The following KDM2B variants were observed in gnomAD, a reference collection of about 807,000 sequenced individuals.
KDM2B encodes the protein lysine-specific demethylase 2B.
KDM2B carries 26 observed loss-of-function variants against 150.0 expected under a neutral mutation model. The observed-to-expected ratio is 0.17, with a 90% CI of 0.13 to 0.24. KDM2B has a LOEUF of 0.24. KDM2B is among the 10% of genes least tolerant of loss of function. The pLI is 1.00. For missense variants in KDM2B, 1,265 were observed against 1,816.9 expected (o/e 0.70, Z 5.52); for synonymous variants, 734 against 729.5 (o/e 1.01, Z -0.10).
In KDM2B at chr12:121,453,428, G is replaced by T; in HGVS notation, c.1735-84C>A. 9.5e-7 allele frequency: 1 copy of T among 1,053,144 alleles called. No homozygotes were observed. 65.2% of individuals were successfully genotyped at this position (1,053,144 alleles called of 1,614,324 possible). A position where few individuals can be genotyped will look rare whatever the true frequency, so the allele number is the denominator to read the frequency against. On this transcript the variant is annotated intron_variant, in intron 12 of 22. Transcript: ENST00000377071. The surrounding 1 kb of genome is among the most constrained non-coding windows in gnomAD (Gnocchi z 6.4). ...CGGAAAGGGTGTTAGGGAGCAAACT[G>T]TGTACCCCCAGAAAGACACGATGGG...
intron 11 of KDM2B, 62 bp from the exon 12 acceptor site, chr12:121,494,727 G>T (rs1883729234): frequency 1.6e-6 from 2 of 1,288,380 alleles, no homozygotes; most frequent in African/African-American, 3.0e-5. Flanking sequence ...GAAGACAGCT[G>T]AACAGCAGAC....
chr12:121,574,433 C>A lies in KDM2B; in HGVS notation c.397+114G>T, dbSNP rs190812406. ...GCTCACACCTGCTCCTGCCTTCTCC[C>A]GTGGGGACTTTGTTTTGAGAGGCAG... On this transcript the variant is annotated intron_variant, in intron 4 of 22. Coordinates refer to ENST00000377071, the MANE Select transcript of KDM2B (RefSeq NM_032590.5). 5 of 945,446 alleles carry A rather than the reference C, an allele frequency of 5.3e-6. No homozygotes were observed. The African/African-American group carries it at 8.2e-5, about 15-fold the overall frequency. 58.6% of individuals were successfully genotyped at this position (945,446 alleles called of 1,614,324 possible). A position where few individuals can be genotyped will look rare whatever the true frequency, so the allele number is the denominator to read the frequency against.
chr12:121,553,849 C>A (rs1889695542), intron 4 of KDM2B, among the ~76,000 whole-genome samples: 1 of 151,970 alleles, frequency 6.6e-6, no homozygotes, highest in Non-Finnish European at 1.5e-5. Flanking sequence ...TGAAAAAGTT[C>A]TAAAATGGAC....
chr12:121,479,479 A>AG (rs60094709), intron 12 of KDM2B, among the ~76,000 whole-genome samples: 2 of 150,570 alleles, frequency 1.3e-5, no homozygotes, highest in Non-Finnish European at 3.0e-5. Flanking sequence ...AAAAAAAAAA[A>AG]CAGATGGGGA....
At position 121,549,034 on chromosome 12, in the gene KDM2B, C is replaced by T. The variant is rs782223672; in HGVS notation, c.577-51G>A. 2.8e-6 allele frequency: 4 copies of T among 1,441,008 alleles called. No individual in the cohort carries two copies. The highest frequency in any genetic ancestry group is 3.9e-6 in the Non-Finnish European group (4 of 1,023,904). The allele number at this position is 1,441,008 out of a possible 1,614,324, so 89.3% of individuals were successfully genotyped here. A position where few individuals can be genotyped will look rare whatever the true frequency, so the allele number is the denominator to read the frequency against. On this transcript the variant is annotated intron_variant, in intron 5 of 22. Coordinates refer to ENST00000377071, the MANE Select transcript of KDM2B (RefSeq NM_032590.5). This position sits in a 1 kb window ranked among gnomAD's most constrained non-coding sequence, Gnocchi z 4.4. Reference sequence around the variant, plus strand: ...TGCATTTCTCCACTGCCGAGCCAGACACAAATACCCCTTTCCCCGGAGAGT... The same window carrying T: ...TGCATTTCTCCACTGCCGAGCCAGATACAAATACCCCTTTCCCCGGAGAGT...
At chr12:121,471,040 A>G (rs1487036174) in intron 12 of KDM2B, among the ~76,000 whole-genome samples, 1 of 152,228 alleles carries the variant, frequency 6.6e-6, no homozygotes, top group Non-Finnish European at 1.5e-5. Context: ...CAAATTTCCT[A>G]TAGTTAACTG....
chr12:121,420,344 C>T, the KDM2B span: 2 of 1,557,144 alleles, frequency 1.3e-6, no homozygotes, highest in Non-Finnish European at 1.7e-6. Flanking sequence ...GGTGAGGCCA[C>T]CTATAAAATT....
At position 121,578,863 on chromosome 12, in the gene KDM2B, C is replaced by A. The variant is rs1555317345; in HGVS notation, c.210G>T (p.Leu70=). The part of the protein sequence containing the change: ...EEIVSVRGFS[L]EEKLRSQLYQ... Reference sequence around the variant, plus strand: ...ACAGCTGGCTGCGAAGCTTCTCCTCCAGGCTGAAGCCGCGGACGCTGACGA... The same window carrying A: ...ACAGCTGGCTGCGAAGCTTCTCCTCAAGGCTGAAGCCGCGGACGCTGACGA... Residue 70 remains leucine, a synonymous_variant, in exon 2 of 23, where the codon CTG becomes CTT. Coordinates refer to ENST00000377071, the MANE Select transcript of KDM2B (RefSeq NM_032590.5). 1.2e-6 allele frequency: 2 copies of A among 1,612,256 alleles called. No individual in the cohort carries two copies. Among genetic ancestry groups the A allele is most frequent in the Non-Finnish European group, 8.5e-7 (1 of 1,179,444 alleles).
At chr12:121,572,377 CTCTGCCACCTCT>C (rs747059685) in intron 4 of KDM2B, among the ~76,000 whole-genome samples, 30 of 152,198 alleles carry the variant, frequency 2.0e-4, no homozygotes, top group Middle Eastern at 3.2e-3. Context: ...GCTCCGTGGC[CTCTGCCACCTCT>C]TCTGCCACTT....
In KDM2B at chr12:121,549,971, T is replaced by A. The variant is rs538240994; in HGVS notation, c.398-333A>T. Among the ~76,000 whole-genome samples, 1 of 151,996 alleles carries A rather than the reference T, an allele frequency of 6.6e-6. No individual in the cohort carries two copies. The highest frequency in any genetic ancestry group is 1.9e-4 in the East Asian group (1 of 5,164). ...TGGAGGGATCACCTGAGGTCAGGAG[T>A]TTGAGACCAGCCTGGCCAACATGGT... On this transcript the variant is annotated intron_variant, in intron 4 of 22. Transcript: ENST00000377071. The surrounding 1 kb of genome is among the most constrained non-coding windows in gnomAD (Gnocchi z 4.4).
At chr12:121,483,795 G>A (rs1011474209) in intron 12 of KDM2B, among the ~76,000 whole-genome samples, 5 of 152,096 alleles carry the variant, frequency 3.3e-5, no homozygotes, top group African/African-American at 4.8e-5. Context: ...GTGGAAGCGC[G>A]TCAGCCAGGA....
At chr12:121,465,237 GTTT>G (rs1237602962) in intron 12 of KDM2B, among the ~76,000 whole-genome samples, 2 of 152,032 alleles carry the variant, frequency 1.3e-5, no homozygotes, top group Admixed American at 6.6e-5. Flanking sequence ...TTTTGTTTTT[GTTT>G]TTTTGAGACA....
At chr12:121,474,338 C>A (rs1881105932) in intron 12 of KDM2B, among the ~76,000 whole-genome samples, 1 of 152,108 alleles carries the variant, frequency 6.6e-6, no homozygotes, top group African/African-American at 2.4e-5. Context: ...ACTGTGAAAA[C>A]CCCGTCCCTA....
chr12:121,476,818 C>T (rs1881438371), intron 12 of KDM2B, among the ~76,000 whole-genome samples: 1 of 152,222 alleles, frequency 6.6e-6, no homozygotes, highest in East Asian at 1.9e-4. Context: ...TTCATAGATC[C>T]ATCAAGACAC....
At chr12:121,498,613 T>C (rs1377813034) in intron 11 of KDM2B, among the ~76,000 whole-genome samples, 1 of 152,192 alleles carries the variant, frequency 6.6e-6, no homozygotes, top group African/African-American at 2.4e-5. Flanking sequence ...TGCATATGAC[T>C]GAAAGTAATG....
intron 12 of KDM2B, among the ~76,000 whole-genome samples, chr12:121,483,855 T>C (rs1360734367): frequency 6.6e-6 from 1 of 151,830 alleles, no homozygotes; most frequent in Non-Finnish European, 1.5e-5. Flanking sequence ...TGAGGCATAA[T>C]GGAGAGTTTA....
intron 6 of KDM2B, among the ~76,000 whole-genome samples, chr12:121,540,285 A>G (rs1282423315): frequency 1.3e-5 from 2 of 152,192 alleles, no homozygotes; most frequent in Admixed American, 6.5e-5. Flanking sequence ...CATGGCCCAC[A>G]GCATCCTCCC....
chr12:121,494,618 A>G lies in KDM2B; in HGVS notation c.1695T>C (p.Thr565=). ...HADDDPSLAI[T]GVPVVTWPKK... Reference sequence around the variant, plus strand: ...TTGGCCAAGTCACCACAGGGACCCCAGTGATGGCCAGACTAGGGTCATCAT... The same window carrying G: ...TTGGCCAAGTCACCACAGGGACCCCGGTGATGGCCAGACTAGGGTCATCAT... Residue 565 remains threonine, a synonymous_variant, in exon 12 of 23, where the codon ACT becomes ACC. Transcript: ENST00000377071. The G allele has an allele frequency of 6.2e-7, 1 of 1,613,674 alleles. No homozygotes were observed. Among genetic ancestry groups the G allele is most frequent in the Non-Finnish European group, 8.5e-7 (1 of 1,179,870 alleles).
intron 12 of KDM2B, among the ~76,000 whole-genome samples, chr12:121,481,360 C>T (rs987760155): frequency 1.6e-4 from 25 of 152,166 alleles, no homozygotes; most frequent in Non-Finnish European, 1.3e-4. Context: ...CCCCTTCATC[C>T]TTCCCAACTT....
Sources: gnomAD v4.1 joint callset for allele counts (sites outside exome capture counted in the v4.1 genomes callset) on GRCh38, gnomAD v4.1.1 for gene constraint, Gnocchi (gnomAD v3.1) non-coding constraint, MANE v1.5 for transcripts, NCBI Gene and HGNC (gene_info 2026-07-23, HGNC 2026-07-21) for gene names.